Variants in CPS1 observed in about 807,000 individuals in gnomAD.
CPS1 encodes carbamoyl-phosphate synthase 1.
CPS1 carries 109 observed loss-of-function variants against 174.6 expected under a neutral mutation model. The ratio of observed to expected loss-of-function variants is 0.62; its 90% CI spans 0.53 to 0.73. The LOEUF is 0.73. CPS1 is among the 30% of genes least tolerant of loss of function. CPS1 has a pLI of 0.00. For missense variants in CPS1, 1,689 were observed against 1,821.9 expected, an observed-to-expected ratio of 0.93 and a Z score of 1.33; for synonymous variants, 637 against 632.0, an observed-to-expected ratio of 1.01 and a Z score of -0.12.
intron 28 of CPS1, among the ~76,000 whole-genome samples, chr2:210,653,369 T>C (rs1210198639): frequency 6.6e-6 from 1 of 152,052 alleles, no homozygotes; most frequent in Non-Finnish European, 1.5e-5. Context: ...GAAATGAGTG[T>C]GGGAAGCACT....
intron 1 of CPS1, among the ~76,000 whole-genome samples, chr2:210,500,411 T>A (rs1012283560): frequency 1.3e-5 from 2 of 152,206 alleles, no homozygotes; most frequent in African/African-American, 4.8e-5. Flanking sequence ...GCAAGTCTCT[T>A]CTGCCTATAG....
intron 13 of CPS1, 38 bp from the exon 14 acceptor site, chr2:210,599,334 C>T (rs1559097874): frequency 6.3e-7 from 1 of 1,582,316 alleles, no homozygotes; most frequent in East Asian, 2.2e-5. Flanking sequence ...CTTCTTTAGA[C>T]CATATATTCA....
At chr2:210,633,074 C>T (rs1214577434) in intron 21 of CPS1, among the ~76,000 whole-genome samples, 1 of 152,106 alleles carries the variant, frequency 6.6e-6, no homozygotes, top group African/African-American at 2.4e-5. Flanking sequence ...AAAATTCTCA[C>T]CTAGTATGAT....
intron 1 of CPS1, among the ~76,000 whole-genome samples, chr2:210,559,135 A>G (rs1164101796): frequency 6.6e-6 from 1 of 152,026 alleles, no homozygotes; most frequent in African/African-American, 2.4e-5. Context: ...CAAATTTACT[A>G]TTTTTAGATG....
chr2:210,558,063 T>A (rs1189493161), intron 1 of CPS1, among the ~76,000 whole-genome samples: 1 of 151,312 alleles, frequency 6.6e-6, no homozygotes. Context: ...AGAAACTAGC[T>A]CAAGATCCCA....
At chr2:210,598,581 A>G (rs1698585631) in intron 13 of CPS1, among the ~76,000 whole-genome samples, 1 of 151,926 alleles carries the variant, frequency 6.6e-6, no homozygotes, top group Non-Finnish European at 1.5e-5. Flanking sequence ...GAAAAAACAG[A>G]TTTCAAATGA....
chr2:210,625,599 T>TTTCCTTCAATATATCCC (rs1170423453), intron 21 of CPS1, among the ~76,000 whole-genome samples: 1 of 152,056 alleles, frequency 6.6e-6, no homozygotes, highest in Non-Finnish European at 1.5e-5. Context: ...GACAATATTC[T>TTTCCTTCAATATATCCC]TTCCTTCAAT....
At chr2:210,579,035 C>T (rs775812747) in intron 4 of CPS1, among the ~76,000 whole-genome samples, 10 of 151,992 alleles carry the variant, frequency 6.6e-5, no homozygotes, top group South Asian at 4.2e-4. Flanking sequence ...TTCAATTTAC[C>T]GGTGAGAACA....
intron 1 of CPS1, among the ~76,000 whole-genome samples, chr2:210,511,445 A>G (rs371213655): frequency 6.6e-6 from 1 of 152,122 alleles, no homozygotes; most frequent in African/African-American, 2.4e-5. Flanking sequence ...TGACGAGTTA[A>G]TGGGTGCAGC....
At chr2:210,653,101 T>C (rs542275296) in intron 28 of CPS1, among the ~76,000 whole-genome samples, 17 of 152,256 alleles carry the variant, frequency 1.1e-4, no homozygotes, top group Admixed American at 3.9e-4. Context: ...AGATAGCATA[T>C]GACCTAGGCC....
At chr2:210,528,753 T>C (rs184227625) in intron 1 of CPS1, among the ~76,000 whole-genome samples, 8 of 150,290 alleles carry the variant, frequency 5.3e-5, no homozygotes, top group Middle Eastern at 3.5e-3. Context: ...CTTCTGACTA[T>C]AATAGAAAAA....
intron 29 of CPS1, 62 bp from the exon 30 acceptor site, chr2:210,656,463 G>C (rs1458537287): frequency 8.5e-7 from 1 of 1,174,806 alleles, no homozygotes; most frequent in East Asian, 2.3e-5. Flanking sequence ...TGAGGGAGTA[G>C]CTTCCTTGAA....
upstream of CPS1, among the ~76,000 whole-genome samples, chr2:210,555,476 C>T (rs1057360044): frequency 6.6e-6 from 1 of 151,982 alleles, no homozygotes; most frequent in Non-Finnish European, 1.5e-5. Flanking sequence ...AGCCATGAAG[C>T]ACTTTGAAAT....
chr2:210,665,696 GTGCCACATTTTCT>G (rs1315730913), intron 33 of CPS1, among the ~76,000 whole-genome samples: 1 of 151,198 alleles, frequency 6.6e-6, no homozygotes, highest in Non-Finnish European at 1.5e-5. Flanking sequence ...TGGTATATAT[GTGCCACATTTTCT>G]TAATCCAGTC....
At chr2:210,659,143 T>A (rs1453587171) in intron 31 of CPS1, among the ~76,000 whole-genome samples, 1 of 152,200 alleles carries the variant, frequency 6.6e-6, no homozygotes, top group African/African-American at 2.4e-5. Flanking sequence ...GTAACTGCCT[T>A]AGTCTGTTTT....
At chr2:210,530,708 A>G (rs1696094637) in intron 1 of CPS1, among the ~76,000 whole-genome samples, 2 of 152,048 alleles carry the variant, frequency 1.3e-5, no homozygotes, top group Admixed American at 6.6e-5. Context: ...TTACTGCAGC[A>G]TCGTAAATAC....
At chr2:210,554,104 C>T (rs972106526), upstream of CPS1, among the ~76,000 whole-genome samples, 31 of 142,892 alleles carry the variant, frequency 2.2e-4, no homozygotes, top group East Asian at 2.0e-3. Context: ...TATGTATATA[C>T]ACATATATAT....
intron 6 of CPS1, among the ~76,000 whole-genome samples, chr2:210,586,199 T>C (rs1329213647): frequency 1.3e-5 from 2 of 151,936 alleles, no homozygotes; most frequent in Admixed American, 1.3e-4. Flanking sequence ...GTGATGTTCA[T>C]GTCGGGCAGG....
chr2:210,674,222 C>G (rs920304499), intron 34 of CPS1: 1 of 152,174 alleles, frequency 6.6e-6, no homozygotes, highest in African/African-American at 2.4e-5. Flanking sequence ...GCCTGTAATC[C>G]CAGCACTTTG....
Sources: allele counts gnomAD v4.1 joint callset (sites outside exome capture counted in the v4.1 genomes callset), GRCh38; gene constraint gnomAD v4.1.1; transcripts MANE v1.5; gene names NCBI Gene and HGNC (gene_info 2026-07-23, HGNC 2026-07-21).